The following GUF1 variants were observed in gnomAD, a reference collection of about 807,000 sequenced individuals.
The protein encoded by GUF1 is GTP binding elongation factor GUF1, also known as translation factor GUF1, mitochondrial.
Under a neutral mutation model 82.4 loss-of-function variants are expected in GUF1, and 78 were observed. The observed-to-expected ratio is 0.95, with a 90% CI of 0.79 to 1.14. GUF1 has a LOEUF of 1.14. Ranked by LOEUF, GUF1 falls within the 50% of genes most tolerant of loss-of-function variation. The pLI is 0.00. For missense variants in GUF1, 814 were observed against 798.2 expected (o/e 1.02, Z -0.24); for synonymous variants, 279 against 282.3 (o/e 0.99, Z 0.12).
chr4:44,681,007 C>A (rs1276113867), intron 3 of GUF1, 116 bp from the exon 4 acceptor site: 3 of 1,159,660 alleles, frequency 2.6e-6, no homozygotes, highest in Admixed American at 1.9e-5. Context: ...GTGCAGGCTA[C>A]AAAAAAGAAA....
intron 1 of GUF1, among the ~76,000 whole-genome samples, chr4:44,680,078 C>G (rs1043010365): frequency 5.9e-5 from 9 of 152,064 alleles, no homozygotes; most frequent in Non-Finnish European, 1.3e-4. Context: ...CTTCTTTCAG[C>G]TTTTCTGTAG....
At position 44,691,818 on chromosome 4, in the gene GUF1, C is replaced by G. The variant is rs768207985; in HGVS notation, c.1613+19C>G. 3.2e-6 allele frequency: 5 copies of G among 1,553,778 alleles called. No homozygotes were observed. The highest frequency in any genetic ancestry group is 4.3e-6 in the Non-Finnish European group (5 of 1,154,104). On this transcript the variant is annotated intron_variant, in intron 13 of 16. Coordinates refer to ENST00000281543, the MANE Select transcript of GUF1 (RefSeq NM_021927.3). ...ATGCTAGGTAAAAAAATAATGAGAA[C>G]CTAAGATGCCTGACCAACTTTTTTG...
rs761141949 is a variant in GUF1, at chr4:44,691,730, T to C, written c.1544T>C (p.Leu515Pro). The change falls in exon 13 of 17, where the codon CTC (leucine) becomes CCC (proline). Residue 515 changes from leucine to proline, a missense_variant. Leu to Pro is a moderately conservative substitution (Grantham distance 98). Coordinates refer to ENST00000281543, the MANE Select transcript of GUF1 (RefSeq NM_021927.3). ...CAAAATAGAGTTATGCTTAAATATCTCTTTCCTTTGAATGAAATTGTGGTA... is the reference window on the plus strand; with the variant it reads ...CAAAATAGAGTTATGCTTAAATATCCCTTTCCTTTGAATGAAATTGTGGTA... ...IDQNRVMLKY[L>P]FPLNEIVVDF... 1.3e-6 allele frequency: 2 copies of C among 1,583,780 alleles called. No individual in the cohort carries two copies. The highest frequency in any genetic ancestry group is 2.2e-5 in the South Asian group (2 of 89,600).
rs1715463394 is a variant in GUF1, at chr4:44,691,770, T to G, written c.1584T>G (p.Ser528=). Residue 528 remains serine, a synonymous_variant, in exon 13 of 17, where the codon TCT becomes TCG. Transcript: ENST00000281543. ...LNEIVVDFYD[S]LKSLSSGYAS... ...AAATTGTGGTAGATTTTTATGACTC[T>G]TTGAAATCCCTATCTTCTGGATATG... 3 of 1,596,318 alleles carry G rather than the reference T, an allele frequency of 1.9e-6. No homozygotes were observed. The highest frequency in any genetic ancestry group is 1.7e-6 in the Non-Finnish European group (2 of 1,171,374).
chr4:44,680,128 A>G (rs991674692), intron 1 of GUF1, among the ~76,000 whole-genome samples: 10 of 152,074 alleles, frequency 6.6e-5, no homozygotes, highest in Non-Finnish European at 1.3e-4. Flanking sequence ...AGGTATTCTC[A>G]GGCCTTTAGA....
At chr4:44,695,795 A>G in intron 15 of GUF1, 61 bp downstream of exon 15, 2 of 1,510,714 alleles carry the variant, frequency 1.3e-6, no homozygotes. Flanking sequence ...CTAAAAAGTG[A>G]AAGAATATTG....
At chr4:44,679,639 T>G (rs1011280079) in intron 1 of GUF1, among the ~76,000 whole-genome samples, 1 of 152,146 alleles carries the variant, frequency 6.6e-6, no homozygotes, top group African/African-American at 2.4e-5. Context: ...TTCGGCAGAC[T>G]TTCAGCTATA....
chr4:44,692,500 G>A (rs974501033), intron 13 of GUF1, among the ~76,000 whole-genome samples: 8 of 151,848 alleles, frequency 5.3e-5, no homozygotes, highest in African/African-American at 1.9e-4. Context: ...ATAGAAAACA[G>A]ATGTGAAACA....
chr4:44,680,396 G>A (rs1402177462), intron 1 of GUF1, 45 bp from the exon 2 acceptor site: 2 of 831,266 alleles, frequency 2.4e-6, no homozygotes, highest in African/African-American at 1.7e-5. Context: ...TTGTTTGATA[G>A]TATGCCAAAT....
chr4:44,696,177 A>T (rs1715812413), intron 15 of GUF1, among the ~76,000 whole-genome samples: 1 of 152,184 alleles, frequency 6.6e-6, no homozygotes, highest in Admixed American at 6.5e-5. Flanking sequence ...GGAGGTTATA[A>T]ATCAAGGAAT....
chr4:44,690,087 TTAAG>T (rs1480195431), intron 11 of GUF1, 112 bp downstream of exon 11: 1 of 637,372 alleles, frequency 1.6e-6, no homozygotes, highest in East Asian at 3.2e-5. Context: ...CAATAGCTGA[TTAAG>T]TATTAAACAA....
chr4:44,688,206 C>G, intron 9 of GUF1, 60 bp downstream of exon 9: 2 of 1,513,308 alleles, frequency 1.3e-6, no homozygotes, highest in Non-Finnish European at 1.8e-6. Flanking sequence ...AAAAGTCTGT[C>G]TCAGTGGTTA....
Position 44,678,596 on chromosome 4 carries a change from T to C in GUF1, c.-27T>C, listed in dbSNP as rs1303395545. 2 of 1,439,208 alleles carry C rather than the reference T, an allele frequency of 1.4e-6. No homozygotes were observed. Among genetic ancestry groups the C allele is most frequent in the Admixed American group, 6.2e-5 (2 of 32,370 alleles). 89.2% of individuals were successfully genotyped at this position (1,439,208 alleles called of 1,614,324 possible). On this transcript the variant is annotated 5_prime_UTR_variant, in exon 1 of 17. Transcript: ENST00000281543. The stretch of plus-strand genomic sequence containing the variant: ...ATGCTGCTGTTGCGTGTGGGTACCC[T>C]CTCCTGACGCCTCCGCCGCCCGGGT...
At chr4:44,687,176 A>G (rs1404548486) in intron 8 of GUF1, among the ~76,000 whole-genome samples, 1 of 151,950 alleles carries the variant, frequency 6.6e-6, no homozygotes, top group Non-Finnish European at 1.5e-5. Flanking sequence ...TTAGAAAAAC[A>G]TCTGAATTGA....
At position 44,678,750 on chromosome 4, in the gene GUF1, GGGCTACCGACA is replaced by G; in HGVS notation, c.133_143del (p.Thr45LeufsTer11). 4 of 1,550,688 alleles carry G rather than the reference GGGCTACCGACA, an allele frequency of 2.6e-6. No individual in the cohort carries two copies. The highest frequency in any genetic ancestry group is 3.5e-6 in the Non-Finnish European group (4 of 1,156,018). Reference sequence around the variant, plus strand: ...ACCCTTGGGGCTGCTCCAGAGTCCTGGGCTACCGACAGGCTCTACAGCTCCGCAGAATTCAA... The same window carrying G: ...ACCCTTGGGGCTGCTCCAGAGTCCTGGGCTCTACAGCTCCGCAGAATTCAA... On this transcript the variant is annotated frameshift_variant, in exon 1 of 17. Transcript: ENST00000281543. LOFTEE classifies it high-confidence loss of function.
intron 12 of GUF1, 25 bp downstream of exon 12, chr4:44,690,885 CA>C: frequency 3.9e-6 from 6 of 1,542,900 alleles, no homozygotes; most frequent in Non-Finnish European, 5.3e-6. Flanking sequence ...CAATTTAATA[CA>C]AAATTAGGTT....
chr4:44,687,503 AG>A (rs1198538548), intron 8 of GUF1, among the ~76,000 whole-genome samples: 1 of 151,592 alleles, frequency 6.6e-6, no homozygotes, highest in Non-Finnish European at 1.5e-5. Context: ...TTAGTTTTGT[AG>A]GGATTTTTTT....
chr4:44,684,725 A>G (rs1256061471), intron 6 of GUF1, among the ~76,000 whole-genome samples: 1 of 152,110 alleles, frequency 6.6e-6, no homozygotes, highest in Non-Finnish European at 1.5e-5. Flanking sequence ...TAAACTGAGC[A>G]CTGTCTACAA....
intron 5 of GUF1, 118 bp downstream of exon 5, chr4:44,682,529 G>C: frequency 1.9e-6 from 1 of 513,396 alleles, no homozygotes; most frequent in Middle Eastern, 5.5e-4. Flanking sequence ...TAAATATATT[G>C]GTGGGATTTA....
Sources: gnomAD v4.1 joint callset for allele counts (sites outside exome capture counted in the v4.1 genomes callset) on GRCh38, gnomAD v4.1.1 for gene constraint, MANE v1.5 for transcripts, NCBI Gene and HGNC (gene_info 2026-07-23, HGNC 2026-07-21) for gene names.